SYNE1: variants seen among roughly 807,000 people sequenced by gnomAD.
SYNE1 encodes nesprin-1.
In SYNE1, 616 loss-of-function variants were observed where a neutral mutation model predicts 1,111.0. The ratio of observed to expected loss-of-function variants is 0.55; its 90% CI spans 0.52 to 0.59. The LOEUF is 0.59. Among genes scored for constraint, SYNE1 ranks in the 20% least tolerant of loss-of-function variants. The pLI, the probability that SYNE1 is intolerant of heterozygous loss-of-function variation, is 0.00. For synonymous variants in SYNE1, 3,855 were observed against 3,825.8 expected, an observed-to-expected ratio of 1.01 and a Z score of -0.28; for missense variants, 10,006 against 10,417.0, an observed-to-expected ratio of 0.96 and a Z score of 1.72.
At chr6:152,538,348 A>G (rs2099253605) in intron 4 of SYNE1, among the ~76,000 whole-genome samples, 1 of 152,132 alleles carries the variant, frequency 6.6e-6, no homozygotes, top group South Asian at 2.1e-4. Flanking sequence ...AAACATGACA[A>G]AGTTTATTTA....
In SYNE1 at chr6:152,122,361, G is replaced by A. The variant is rs1053890093; in HGVS notation, c.*75C>T. Reference sequence around the variant, plus strand: ...CTTTCGCCAAGATCAAGGTCCTCTTGTTGGTAGTTTGGGATTGCTTATGAC... The same window carrying A: ...CTTTCGCCAAGATCAAGGTCCTCTTATTGGTAGTTTGGGATTGCTTATGAC... On this transcript the variant is annotated 3_prime_UTR_variant, in exon 146 of 146. Transcript: ENST00000367255. 7.4e-6 allele frequency: 12 copies of A among 1,611,294 alleles called. No individual in the cohort carries two copies. In the South Asian group the frequency reaches 8.8e-5, roughly 12 times the overall value.
In SYNE1 at chr6:152,416,944, A is replaced by AT; in HGVS notation, c.5492_5493insA (p.Ser1832PhefsTer6). ...GGAGGTCCTCAGCACGGCCCAGAGA[A>AT]CCCAACTTTGCTAAGTGACCCTGCA... is the stretch of plus-strand genomic sequence containing the variant. On this transcript the variant is annotated frameshift_variant, in exon 41 of 146. Coordinates refer to ENST00000367255, the MANE Select transcript of SYNE1 (RefSeq NM_182961.4). LOFTEE classifies it high-confidence loss of function. 1 of 1,614,066 alleles carries AT rather than the reference A, an allele frequency of 6.2e-7. No individual in the cohort carries two copies. Among genetic ancestry groups the AT allele is most frequent in the Non-Finnish European group, 8.5e-7 (1 of 1,180,016 alleles).
intron 56 of SYNE1, among the ~76,000 whole-genome samples, chr6:152,379,890 C>A (rs979980021): frequency 2.0e-5 from 3 of 152,082 alleles, no homozygotes; most frequent in Non-Finnish European, 4.4e-5. Context: ...TTAAAAATTT[C>A]ACTCTGTGAC....
intron 37 of SYNE1, 65 bp downstream of exon 37, chr6:152,428,140 T>A: frequency 6.3e-7 from 1 of 1,598,540 alleles, no homozygotes; most frequent in Non-Finnish European, 8.5e-7. Context: ...CCCATCACTT[T>A]AAGAACTGCT....
Position 152,505,272 on chromosome 6 carries a change from C to A in SYNE1, c.707G>T (p.Arg236Leu). 6.2e-7 allele frequency: 1 copy of A among 1,614,122 alleles called. No homozygotes were observed. Among genetic ancestry groups the A allele is most frequent in the Non-Finnish European group, 8.5e-7 (1 of 1,180,014 alleles). Residue 236 changes from arginine (R) to leucine (L), a missense_variant, in exon 9 of 146, where the codon CGA (arginine) becomes CTA (leucine). By Grantham distance (102) the Arg-to-Leu change is moderately radical. This residue lies in a region of SYNE1 where 1,971 missense variants were observed against 2,084.1 expected (regional missense o/e 0.95). Transcript: ENST00000367255. ...DLETVKGRSN[R>L]ENLEDAFTIA... ...AGTGAAAGCATCCTCCAAATTTTCT[C>A]GGTTGGATCTGCCTTTCACTGTCTC...
intron 42 of SYNE1, among the ~76,000 whole-genome samples, chr6:152,410,939 G>A (rs1030134245): frequency 2.0e-5 from 3 of 152,130 alleles, no homozygotes; most frequent in African/African-American, 7.2e-5. Flanking sequence ...CTTATGATAG[G>A]ACACTGTGCA....
intron 4 of SYNE1, among the ~76,000 whole-genome samples, chr6:152,533,587 A>G (rs2154360990): frequency 6.6e-6 from 1 of 152,198 alleles, no homozygotes; most frequent in South Asian, 2.1e-4. Flanking sequence ...CTCTACTGCT[A>G]CTATCTTGGT....
At chr6:152,228,684 G>A (rs552269067) in intron 115 of SYNE1, among the ~76,000 whole-genome samples, 3 of 152,200 alleles carry the variant, frequency 2.0e-5, no homozygotes, top group Admixed American at 6.5e-5. Context: ...ATTCTAATAC[G>A]CAGAATTACC....
At chr6:152,259,599 C>T (rs1187826088) in intron 101 of SYNE1, among the ~76,000 whole-genome samples, 1 of 152,094 alleles carries the variant, frequency 6.6e-6, no homozygotes, top group African/African-American at 2.4e-5. Context: ...TCTTCTTAGT[C>T]GCAAGACCCT....
Position 152,413,284 on chromosome 6 carries a change from A to T in SYNE1, c.6230+68T>A, listed in dbSNP as rs879369637. 4 of 1,512,248 alleles carry T rather than the reference A, an allele frequency of 2.6e-6. No homozygotes were observed. In the East Asian group the frequency reaches 9.0e-5, roughly 34 times the overall value. 93.7% of individuals were successfully genotyped at this position (1,512,248 alleles called of 1,614,324 possible). ...ACTACTGATCACATCAACACAAAAC[A>T]GGCAATGTCCCAATGTCACATAATA... On this transcript the variant is annotated intron_variant, in intron 42 of 145. Coordinates refer to ENST00000367255, the MANE Select transcript of SYNE1 (RefSeq NM_182961.4).
chr6:152,557,954 G>T (rs534717581), intron 3 of SYNE1, among the ~76,000 whole-genome samples: 1 of 152,174 alleles, frequency 6.6e-6, no homozygotes, highest in Non-Finnish European at 1.5e-5. Flanking sequence ...AAGTCACTTT[G>T]ATATAAAAGT....
At chr6:152,125,390 A>G in intron 145 of SYNE1, 1 of 1,535,640 alleles carries the variant, frequency 6.5e-7, no homozygotes, top group Non-Finnish European at 8.8e-7. Flanking sequence ...GCAGATCATC[A>G]AATCCGTGTG....
intron 6 of SYNE1, among the ~76,000 whole-genome samples, chr6:152,514,051 A>G (rs1463597057): frequency 1.3e-5 from 2 of 152,224 alleles, no homozygotes; most frequent in Non-Finnish European, 2.9e-5. Flanking sequence ...TAGTTCAACC[A>G]TTGTGGAAGA....
intron 128 of SYNE1, among the ~76,000 whole-genome samples, chr6:152,187,163 T>A (rs757803886): frequency 3.9e-5 from 6 of 152,188 alleles, no homozygotes; most frequent in Non-Finnish European, 8.8e-5. Flanking sequence ...GTAAAAGCCA[T>A]CTCATACATG....
At chr6:152,152,692 C>CA (rs1346003741) in intron 133 of SYNE1, among the ~76,000 whole-genome samples, 25 of 152,200 alleles carry the variant, frequency 1.6e-4, no homozygotes, top group Non-Finnish European at 2.8e-4. Context: ...AAAGGTCTTC[C>CA]AAAAAATCAA....
intron 11 of SYNE1, among the ~76,000 whole-genome samples, chr6:152,491,942 A>C: frequency 6.7e-6 from 1 of 148,834 alleles, no homozygotes. Flanking sequence ...CCCTCCTCCC[A>C]CCCTGTCTGG....
chr6:152,216,609 C>T (rs548000252), intron 121 of SYNE1, among the ~76,000 whole-genome samples: 3 of 152,242 alleles, frequency 2.0e-5, no homozygotes, highest in Admixed American at 2.0e-4. Flanking sequence ...ATAAGATCCT[C>T]AGGAAAGGTG....
intron 130 of SYNE1, among the ~76,000 whole-genome samples, chr6:152,170,442 GA>G (rs2064904582): frequency 1.3e-5 from 2 of 152,196 alleles, no homozygotes; most frequent in Non-Finnish European, 2.9e-5. Flanking sequence ...GAGGCTCAGA[GA>G]AGTTACTCAG....
intron 39 of SYNE1, among the ~76,000 whole-genome samples, chr6:152,420,767 C>T (rs2098245838): frequency 6.8e-6 from 1 of 147,640 alleles, no homozygotes; most frequent in Non-Finnish European, 1.5e-5. Flanking sequence ...TGAAACATTG[C>T]TGATTCTTTT....
Sources: gnomAD v4.1 joint callset for allele counts (sites outside exome capture counted in the v4.1 genomes callset) on GRCh38, gnomAD v4.1.1 for gene constraint, gnomAD v4.1.1 regional missense constraint, MANE v1.5 for transcripts, NCBI Gene and HGNC (gene_info 2026-07-23, HGNC 2026-07-21) for gene names.